Variants in EYS observed in about 807,000 individuals in gnomAD.
The protein encoded by EYS is protein eyes shut homolog.
EYS carries 250 observed loss-of-function variants against 282.1 expected under a neutral mutation model. The ratio of observed to expected loss-of-function variants is 0.89; its 90% confidence interval spans 0.80 to 0.98. The LOEUF (loss-of-function observed/expected upper bound fraction) is 0.98, where lower values mean the gene tolerates loss of function less well. Ranked by LOEUF, EYS falls within the 50% of genes least tolerant of loss-of-function variation. EYS has a pLI of 0.00. For missense variants in EYS, 4,016 were observed against 3,709.0 expected (o/e 1.08, Z -2.15); for synonymous variants, 1,355 against 1,282.9 (o/e 1.06, Z -1.20).
intron 19 of EYS, among the ~76,000 whole-genome samples, chr6:64,870,784 C>T (rs1335433414): frequency 6.6e-6 from 1 of 151,570 alleles, no homozygotes; most frequent in Non-Finnish European, 1.5e-5. Context: ...ACTACAATAA[C>T]AGAAATATGA....
intron 12 of EYS, among the ~76,000 whole-genome samples, chr6:65,157,606 G>A (rs910740129): frequency 4.0e-5 from 6 of 150,584 alleles, no homozygotes; most frequent in African/African-American, 1.5e-4. Context: ...AGAATTTTTA[G>A]ATAAAAGAAA....
chr6:63,868,086 AT>A (rs1338078194), intron 35 of EYS, among the ~76,000 whole-genome samples: 2 of 152,156 alleles, frequency 1.3e-5, no homozygotes, highest in Non-Finnish European at 2.9e-5. Flanking sequence ...GAAGGTTTTC[AT>A]TTTAGGAGTG....
intron 5 of EYS, among the ~76,000 whole-genome samples, chr6:65,470,119 A>G (rs1490125411): frequency 6.6e-6 from 1 of 152,212 alleles, no homozygotes; most frequent in Non-Finnish European, 1.5e-5. Flanking sequence ...AGAAGAGTAT[A>G]TGCCAGCAAT....
At chr6:64,548,143 T>A (rs1031535159) in intron 26 of EYS, among the ~76,000 whole-genome samples, 1 of 152,152 alleles carries the variant, frequency 6.6e-6, no homozygotes, top group South Asian at 2.1e-4. Context: ...GCTCCTCAAG[T>A]GCTGCCAAAG....
intron 29 of EYS, among the ~76,000 whole-genome samples, chr6:64,347,261 T>C (rs555271476): frequency 6.6e-6 from 1 of 151,462 alleles, no homozygotes; most frequent in Non-Finnish European, 1.5e-5. Flanking sequence ...AACAAACTCT[T>C]TTAAAAACAA....
intron 28 of EYS, among the ~76,000 whole-genome samples, chr6:64,435,542 T>A (rs1355671251): frequency 2.0e-5 from 3 of 151,308 alleles, no homozygotes; most frequent in African/African-American, 7.3e-5. Context: ...CTTATGGCTG[T>A]GGTATGTGTT....
intron 36 of EYS, 91 bp from the exon 37 acceptor site, chr6:63,806,463 T>G: frequency 3.7e-6 from 4 of 1,068,374 alleles, no homozygotes; most frequent in Non-Finnish European, 5.3e-6. Flanking sequence ...TCTGGCCAGA[T>G]AGTCTGTTTA....
chr6:63,798,963 GTATATATATATATGTATATGTGTGTA>G lies in EYS; in HGVS notation c.7411+7201_7411+7226del, dbSNP rs1397462217. Reference sequence around the variant, plus strand: ...AAAATATATATATATATGTATATGTGTATATATATATATGTATATGTGTGTATATATATATATATATATATATATAT... The same window carrying G: ...AAAATATATATATATATGTATATGTGTATATATATATATATATATATATAT... On this transcript the variant is annotated intron_variant, in intron 37 of 42. Coordinates refer to ENST00000503581, the MANE Select transcript of EYS (RefSeq NM_001142800.2). 9.2e-3 allele frequency among the ~76,000 whole-genome samples: 1,016 copies of G among 110,788 alleles called. 11 individuals carry two copies. Among genetic ancestry groups the G allele is most frequent in the African/African-American group, 0.03 (849 of 28,296 alleles). 72.7% of individuals were successfully genotyped at this position (110,788 alleles called of 152,430 possible).
chr6:63,992,557 A>G (rs1045759344), intron 34 of EYS, among the ~76,000 whole-genome samples: 1 of 151,764 alleles, frequency 6.6e-6, no homozygotes, highest in African/African-American at 2.4e-5. Context: ...TGAAGTTATT[A>G]TTACCTTAAA....
chr6:65,297,521 G>A (rs906297195), intron 11 of EYS, among the ~76,000 whole-genome samples: 34 of 151,964 alleles, frequency 2.2e-4, no homozygotes, highest in African/African-American at 7.7e-4. Flanking sequence ...AAGTGTAGTG[G>A]ATGCTTTGAT....
At chr6:64,148,283 ATGAAATAT>A in intron 31 of EYS, among the ~76,000 whole-genome samples, 1 of 152,296 alleles carries the variant, frequency 6.6e-6, no homozygotes, top group Middle Eastern at 3.4e-3. Context: ...TACTTTGTAT[ATGAAATAT>A]CATTGCTAAG....
At chr6:64,222,868 C>T (rs1582448395) in intron 31 of EYS, among the ~76,000 whole-genome samples, 1 of 151,746 alleles carries the variant, frequency 6.6e-6, no homozygotes, top group South Asian at 2.1e-4. Context: ...AAATTAGAGG[C>T]ATTGATTTTT....
intron 33 of EYS, among the ~76,000 whole-genome samples, chr6:64,012,999 G>A (rs1474201893): frequency 6.6e-6 from 1 of 151,944 alleles, no homozygotes; most frequent in African/African-American, 2.4e-5. Flanking sequence ...GTCATGTGGC[G>A]GTCACTAGTT....
chr6:65,193,122 C>G (rs1191728573), intron 12 of EYS, among the ~76,000 whole-genome samples: 1 of 151,846 alleles, frequency 6.6e-6, no homozygotes, highest in Non-Finnish European at 1.5e-5. Context: ...AGGAATTGAT[C>G]TCATGGGGGT....
chr6:65,239,353 T>C (rs184240210), intron 12 of EYS, among the ~76,000 whole-genome samples: 17 of 152,164 alleles, frequency 1.1e-4, no homozygotes. Context: ...ACCAATAAGG[T>C]TTACAAAAAT....
intron 24 of EYS, among the ~76,000 whole-genome samples, chr6:64,597,053 G>A (rs141114462): frequency 6.6e-6 from 1 of 151,868 alleles, no homozygotes; most frequent in Non-Finnish European, 1.5e-5. Flanking sequence ...GTGGACAAGG[G>A]GCATGAATAG....
chr6:64,706,359 C>A (rs1368320225), intron 22 of EYS, among the ~76,000 whole-genome samples: 1 of 119,792 alleles, frequency 8.3e-6, no homozygotes, highest in Non-Finnish European at 1.9e-5. Flanking sequence ...TATAAAAATT[C>A]TAGAAGATGA....
Position 65,443,481 on chromosome 6 carries a change from A to G in EYS, c.863-38114T>C, listed in dbSNP as rs150208106. 1.3e-3 allele frequency among the ~76,000 whole-genome samples: 199 copies of G among 151,950 alleles called. 2 individuals are homozygous for G. Among genetic ancestry groups the G allele is most frequent in the Non-Finnish European group, 2.5e-3 (170 of 67,822 alleles). On this transcript the variant is annotated intron_variant, in intron 5 of 42. Transcript: ENST00000503581. Reference sequence around the variant, plus strand: ...ATACGCCATACACATGCACATATATACACATATGCGCATATACTTATATGT... The same window carrying G: ...ATACGCCATACACATGCACATATATGCACATATGCGCATATACTTATATGT...
intron 26 of EYS, among the ~76,000 whole-genome samples, chr6:64,561,724 CA>C (rs770804450): frequency 5.3e-5 from 8 of 151,886 alleles, no homozygotes; most frequent in Non-Finnish European, 1.2e-4. Context: ...TAGTAAGAAT[CA>C]ATATCATTAA....
Sources: gnomAD v4.1 joint callset for allele counts (sites outside exome capture counted in the v4.1 genomes callset) on GRCh38, gnomAD v4.1.1 for gene constraint, MANE v1.5 for transcripts, NCBI Gene and HGNC (gene_info 2026-07-23, HGNC 2026-07-21) for gene names.